Variants in CTNNB1 observed in about 807,000 individuals in gnomAD.
The protein encoded by CTNNB1 is catenin beta 1.
In CTNNB1, 6 loss-of-function variants were observed where a neutral mutation model predicts 82.5. The observed-to-expected ratio is 0.07, with a 90% CI of 0.04 to 0.14. The LOEUF is 0.14. Among genes scored for constraint, CTNNB1 ranks in the 10% least tolerant of loss-of-function variants. CTNNB1 has a pLI of 1.00. For missense variants in CTNNB1, 529 were observed against 980.4 expected (o/e 0.54, Z 6.15); for synonymous variants, 312 against 329.7 (o/e 0.95, Z 0.58).
chr3:41,218,256 T>C (rs1218035959), intron 1 of CTNNB1, among the ~76,000 whole-genome samples: 17 of 152,198 alleles, frequency 1.1e-4, no homozygotes. Flanking sequence ...TGCCACATTA[T>C]ATCTGGGTGT....
intron 1 of CTNNB1, chr3:41,220,648 G>A (rs898677467): frequency 2.6e-5 from 4 of 152,150 alleles, no homozygotes; most frequent in Admixed American, 2.0e-4. Context: ...ATCCCTGAAG[G>A]TGTATCAAAA....
In CTNNB1 at chr3:41,239,508, A is replaced by T; in HGVS notation, c.*166A>T. On this transcript the variant is annotated 3_prime_UTR_variant, in exon 15 of 15. Coordinates refer to ENST00000349496, the MANE Select transcript of CTNNB1 (RefSeq NM_001904.4). ...ACTTTGAAAGGAGATGTCTTGGAAC[A>T]TTGGAATGTTCTCAGATTTCTGGTT... is the stretch of plus-strand genomic sequence containing the variant. 1 of 651,270 alleles carries T rather than the reference A, an allele frequency of 1.5e-6. No individual in the cohort carries two copies. Among genetic ancestry groups the T allele is most frequent in the Non-Finnish European group, 2.7e-6 (1 of 366,956 alleles). 40.3% of individuals were successfully genotyped at this position (651,270 alleles called of 1,614,324 possible). A position where few individuals can be genotyped will look rare whatever the true frequency, so the allele number is the denominator to read the frequency against.
chr3:41,218,442 C>T (rs1022545912), intron 1 of CTNNB1, among the ~76,000 whole-genome samples: 12 of 152,210 alleles, frequency 7.9e-5, no homozygotes, highest in African/African-American at 2.6e-4. Flanking sequence ...CATTTACTCT[C>T]GTATGTATCT....
intron 11 of CTNNB1, 195 bp from the exon 12 acceptor site, chr3:41,236,154 T>C: frequency 1.2e-6 from 1 of 809,902 alleles, no homozygotes. Context: ...AAGAAAGGGT[T>C]TATAGCTAAA....
intron 1 of CTNNB1, among the ~76,000 whole-genome samples, chr3:41,205,862 T>C (rs539732663): frequency 1.4e-3 from 212 of 152,296 alleles, no homozygotes; most frequent in Non-Finnish European, 2.7e-3. Context: ...CATGAAACAT[T>C]AATCCTAAAG....
chr3:41,234,874 T>C (rs1320021421), intron 10 of CTNNB1: 4 of 163,340 alleles, frequency 2.4e-5, no homozygotes, highest in Admixed American at 1.7e-4. Context: ...TCTCAGACTT[T>C]AAGACCTTAT....
At chr3:41,218,686 A>T (rs1013540929) in intron 1 of CTNNB1, among the ~76,000 whole-genome samples, 2 of 152,210 alleles carry the variant, frequency 1.3e-5, no homozygotes, top group African/African-American at 4.8e-5. Context: ...ACAGCGGCAT[A>T]TGCCACCACA....
intron 1 of CTNNB1, among the ~76,000 whole-genome samples, chr3:41,201,466 A>G (rs2077528060): frequency 6.6e-6 from 1 of 152,226 alleles, no homozygotes; most frequent in East Asian, 1.9e-4. Context: ...AAGGCCGTGT[A>G]CAAGGACAAG....
chr3:41,207,771 T>G (rs569274701), intron 1 of CTNNB1, among the ~76,000 whole-genome samples: 1 of 152,340 alleles, frequency 6.6e-6, no homozygotes, highest in East Asian at 1.9e-4. Flanking sequence ...CTCAATCTTG[T>G]GAATGTTCCT....
Position 41,234,313 on chromosome 3 carries a change from C to T in CTNNB1, c.1683+16C>T, listed in dbSNP as rs759545403. ...GCAATTTGTGGTAGGTAAATTCTTACAGTGATACCTGGCTATCTAAAAGGA... is the reference window on the plus strand; with the variant it reads ...GCAATTTGTGGTAGGTAAATTCTTATAGTGATACCTGGCTATCTAAAAGGA... On this transcript the variant is annotated intron_variant, in intron 10 of 14. Coordinates refer to ENST00000349496, the MANE Select transcript of CTNNB1 (RefSeq NM_001904.4). 3.1e-6 allele frequency: 5 copies of T among 1,613,766 alleles called. No individual in the cohort carries two copies. The highest frequency in any genetic ancestry group is 2.5e-6 in the Non-Finnish European group (3 of 1,179,680).
At chr3:41,218,863 C>A (rs1318428684) in intron 1 of CTNNB1, among the ~76,000 whole-genome samples, 2 of 152,194 alleles carry the variant, frequency 1.3e-5, no homozygotes, top group Non-Finnish European at 2.9e-5. Context: ...TGCCGAATTG[C>A]AGCCATATTT....
At chr3:41,228,354 C>T (rs2078226783) in intron 7 of CTNNB1, among the ~76,000 whole-genome samples, 1 of 152,134 alleles carries the variant, frequency 6.6e-6, no homozygotes, top group African/African-American at 2.4e-5. Context: ...TAAGCATTCT[C>T]TTTTCTCAGC....
intron 1 of CTNNB1, among the ~76,000 whole-genome samples, chr3:41,209,361 C>G (rs1480770315): frequency 6.6e-6 from 1 of 152,184 alleles, no homozygotes; most frequent in African/African-American, 2.4e-5. Context: ...GCTTCTCAAA[C>G]TAAACTGACC....
At chr3:41,200,845 T>C (rs1255056019) in intron 1 of CTNNB1, among the ~76,000 whole-genome samples, 1 of 152,226 alleles carries the variant, frequency 6.6e-6, no homozygotes, top group African/African-American at 2.4e-5. Flanking sequence ...GAGCGTTGTC[T>C]CCTACTTTGT....
chr3:41,205,420 G>C (rs1381982512), intron 1 of CTNNB1, among the ~76,000 whole-genome samples: 1 of 152,194 alleles, frequency 6.6e-6, no homozygotes, highest in South Asian at 2.1e-4. Context: ...TTTGAAAAGT[G>C]GGGTGGCCTG....
In CTNNB1 at chr3:41,239,805, C is replaced by T; in HGVS notation, c.*463C>T. On this transcript the variant is annotated 3_prime_UTR_variant, in exon 15 of 15. Transcript: ENST00000349496. ...ATTGAAGTAAACTTTTTGTTCTGGT[C>T]CTTTTTGGTCGAGGAGTAACAATAC... is the stretch of plus-strand genomic sequence containing the variant. The T allele has an allele frequency of 3.6e-6, 1 of 276,644 alleles. No homozygotes were observed. Among genetic ancestry groups the T allele is most frequent in the Non-Finnish European group, 6.9e-6 (1 of 143,914 alleles). The allele number at this position is 276,644 out of a possible 1,614,324, so 17.1% of individuals were successfully genotyped here.
chr3:41,225,313 T>G lies in CTNNB1; in HGVS notation c.496-21T>G, dbSNP rs773338786. The G allele has an allele frequency of 1.2e-6, 2 of 1,613,984 alleles. No individual in the cohort carries two copies. Reference sequence around the variant, plus strand: ...ACCAGTACTTGAAAACTAACGATGTTTCTGAATTCCTGTATTACAGGTGGT... The same window carrying G: ...ACCAGTACTTGAAAACTAACGATGTGTCTGAATTCCTGTATTACAGGTGGT... On this transcript the variant is annotated intron_variant, in intron 4 of 14. Coordinates refer to ENST00000349496, the MANE Select transcript of CTNNB1 (RefSeq NM_001904.4). This position sits in a 1 kb window ranked among gnomAD's most constrained non-coding sequence, Gnocchi z 5.3.
chr3:41,209,765 T>G (rs1354950493), intron 1 of CTNNB1, among the ~76,000 whole-genome samples: 1 of 152,130 alleles, frequency 6.6e-6, no homozygotes, highest in Non-Finnish European at 1.5e-5. Flanking sequence ...GTAAAAAATA[T>G]GGTATCAAAA....
At chr3:41,211,770 C>G (rs1169787614) in intron 1 of CTNNB1, among the ~76,000 whole-genome samples, 2 of 152,276 alleles carry the variant, frequency 1.3e-5, no homozygotes, top group African/African-American at 4.8e-5. Context: ...ATCCAGTCTA[C>G]CGTTCATGGG....
Sources: allele counts gnomAD v4.1 joint callset (sites outside exome capture counted in the v4.1 genomes callset), GRCh38; gene constraint gnomAD v4.1.1; non-coding constraint Gnocchi (gnomAD v3.1); transcripts MANE v1.5; gene names NCBI Gene and HGNC (gene_info 2026-07-23, HGNC 2026-07-21).